Variants in PPM1L observed in about 807,000 individuals in gnomAD.
PPM1L encodes the protein protein phosphatase, Mg2+/Mn2+ dependent 1L.
Under a neutral mutation model 31.4 loss-of-function variants are expected in PPM1L, and 13 were observed. The ratio of observed to expected loss-of-function variants is 0.41; its 90% CI spans 0.27 to 0.66. The LOEUF (loss-of-function observed/expected upper bound fraction) is 0.66, where lower values mean the gene tolerates loss of function less well. Among genes scored for constraint, PPM1L ranks in the 30% least tolerant of loss-of-function variants. PPM1L has a pLI of 0.29. For synonymous variants in PPM1L, 184 were observed against 175.4 expected, an observed-to-expected ratio of 1.05 and a Z score of -0.39; for missense variants, 326 against 453.7, an observed-to-expected ratio of 0.72 and a Z score of 2.56.
At chr3:161,011,981 C>T (rs903625943) in intron 2 of PPM1L, among the ~76,000 whole-genome samples, 18 of 152,170 alleles carry the variant, frequency 1.2e-4, no homozygotes, top group Non-Finnish European at 2.5e-4. Flanking sequence ...AATTTGACTT[C>T]CTCTTTTCCT....
rs182275499 is a variant in PPM1L, at chr3:160,872,707, A to G, written c.400-89029A>G. Reference sequence around the variant, plus strand: ...TTTGGGAGGCTGAGGCGGGTGGATCATGAGGTCAGGAGTTCAAGACCAGCC... The same window carrying G: ...TTTGGGAGGCTGAGGCGGGTGGATCGTGAGGTCAGGAGTTCAAGACCAGCC... On this transcript the variant is annotated intron_variant, in intron 1 of 3. Transcript: ENST00000498165. 9.7e-4 allele frequency among the ~76,000 whole-genome samples: 148 copies of G among 152,148 alleles called. 2 individuals are homozygous for G. The South Asian group carries it at 0.017, about 17-fold the overall frequency.
intron 1 of PPM1L, among the ~76,000 whole-genome samples, chr3:160,761,932 T>C (rs1315630746): frequency 6.6e-6 from 1 of 152,170 alleles, no homozygotes; most frequent in African/African-American, 2.4e-5. Context: ...CCTGCCCCAA[T>C]GTTTCAAATT....
At chr3:161,053,129 A>C (rs1719323202) in intron 2 of PPM1L, among the ~76,000 whole-genome samples, 1 of 152,276 alleles carries the variant, frequency 6.6e-6, no homozygotes, top group African/African-American at 2.4e-5. Context: ...TGTAGGAAGA[A>C]TCAAAGCAAC....
intron 2 of PPM1L, among the ~76,000 whole-genome samples, chr3:160,973,765 T>G (rs998671060): frequency 7.7e-5 from 2 of 26,108 alleles, no homozygotes; most frequent in Admixed American, 1.2e-3. Context: ...AAAGGCCCTG[T>G]TTTTTTTTTT....
chr3:160,955,014 T>C (rs553479070), intron 1 of PPM1L, among the ~76,000 whole-genome samples: 3 of 148,042 alleles, frequency 2.0e-5, no homozygotes, highest in South Asian at 2.2e-4. Context: ...TCTTTCTTTC[T>C]CTCTTTCTTC....
At position 160,756,661 on chromosome 3, in the gene PPM1L, A is replaced by G; in HGVS notation, c.353A>G (p.Lys118Arg). 6.2e-7 allele frequency: 1 copy of G among 1,614,064 alleles called. No homozygotes were observed. Among genetic ancestry groups the G allele is most frequent in the African/African-American group, 1.3e-5 (1 of 75,022 alleles). ...GAAGTTCTCACGGATCTGGCCAACA[A>G]GACGCACCCGTCCATCTTCGGGATC... ...RFEVLTDLAN[K>R]THPSIFGIFD... The change falls in exon 1 of 4, where the codon AAG becomes AGG. Residue 118 changes from lysine to arginine, a missense_variant. Coordinates refer to ENST00000498165, the MANE Select transcript of PPM1L (RefSeq NM_139245.4). The surrounding 1 kb of genome is among the most constrained non-coding windows in gnomAD (Gnocchi z 6.2).
At chr3:160,829,969 CTCAGCCA>C (rs1396894274) in intron 1 of PPM1L, among the ~76,000 whole-genome samples, 2 of 152,168 alleles carry the variant, frequency 1.3e-5, no homozygotes, top group Non-Finnish European at 2.9e-5. Context: ...GCAGCTGCGT[CTCAGCCA>C]TGGGAAACAA....
chr3:160,916,975 TG>T (rs1344705852), intron 1 of PPM1L, among the ~76,000 whole-genome samples: 10 of 152,232 alleles, frequency 6.6e-5, no homozygotes, highest in Non-Finnish European at 1.5e-5. Context: ...AGCTATTTTT[TG>T]TGCTATTTTA....
chr3:160,967,913 G>A (rs1048014325), intron 2 of PPM1L, among the ~76,000 whole-genome samples: 2 of 151,988 alleles, frequency 1.3e-5, no homozygotes, highest in Non-Finnish European at 2.9e-5. Context: ...CTAAAACTAT[G>A]CTTTGGGTCT....
At chr3:160,947,551 G>A (rs1715448371) in intron 1 of PPM1L, among the ~76,000 whole-genome samples, 1 of 151,948 alleles carries the variant, frequency 6.6e-6, no homozygotes, top group African/African-American at 2.4e-5. Flanking sequence ...AGGCTATTTA[G>A]GTTCTTTGTT....
chr3:160,812,553 G>A (rs1165805288), intron 1 of PPM1L, among the ~76,000 whole-genome samples: 4 of 152,134 alleles, frequency 2.6e-5, no homozygotes, highest in African/African-American at 7.2e-5. Flanking sequence ...TCCTAGAAAG[G>A]TCTCTGGCTG....
intron 1 of PPM1L, among the ~76,000 whole-genome samples, chr3:160,941,510 A>G (rs1295869982): frequency 6.6e-6 from 1 of 152,156 alleles, no homozygotes; most frequent in African/African-American, 2.4e-5. Context: ...GATAGTGAAT[A>G]AGTCTCACGA....
chr3:160,991,552 T>C (rs942471027), intron 2 of PPM1L, among the ~76,000 whole-genome samples: 3 of 152,230 alleles, frequency 2.0e-5, no homozygotes, highest in African/African-American at 7.2e-5. Flanking sequence ...CAGGCAATTA[T>C]GTAACTACTT....
At chr3:160,946,592 T>G (rs559287427) in intron 1 of PPM1L, among the ~76,000 whole-genome samples, 49 of 152,272 alleles carry the variant, frequency 3.2e-4, no homozygotes, top group African/African-American at 1.2e-3. Context: ...ACTAGGCCAC[T>G]CTATACATTT....
chr3:160,822,282 A>G (rs1713223137), intron 1 of PPM1L, among the ~76,000 whole-genome samples: 1 of 152,046 alleles, frequency 6.6e-6, no homozygotes, highest in Non-Finnish European at 1.5e-5. Context: ...TAAAAAGACA[A>G]TATGAGATCA....
chr3:160,901,412 G>A (rs537237508), intron 1 of PPM1L, among the ~76,000 whole-genome samples: 72 of 151,966 alleles, frequency 4.7e-4, no homozygotes, highest in Non-Finnish European at 3.5e-4. Context: ...TTCTTCAAAG[G>A]TTCATGTTTT....
intron 1 of PPM1L, among the ~76,000 whole-genome samples, chr3:160,894,573 G>C (rs916696216): frequency 6.6e-6 from 1 of 152,128 alleles, no homozygotes; most frequent in African/African-American, 2.4e-5. Flanking sequence ...TTTTTCAGAG[G>C]CCTGGAAAGG....
chr3:161,010,573 G>A (rs1011652308), intron 2 of PPM1L, among the ~76,000 whole-genome samples: 2 of 152,138 alleles, frequency 1.3e-5, no homozygotes, highest in African/African-American at 2.4e-5. Context: ...GGTATTTCTA[G>A]TTCTAGATCC....
chr3:160,873,166 A>G lies in PPM1L; in HGVS notation c.400-88570A>G, dbSNP rs542761744. The stretch of plus-strand genomic sequence containing the variant: ...ACTGTTACAGGGTAGCTAACTTCCT[A>G]TTCTCAGTAAAGCTAAGGCAAAGAG... On this transcript the variant is annotated intron_variant, in intron 1 of 3. Transcript: ENST00000498165. Among the ~76,000 whole-genome samples, 211 of 152,272 alleles carry G rather than the reference A, an allele frequency of 1.4e-3. 1 individual carries two copies. The highest frequency in any genetic ancestry group is 4.8e-3 in the African/African-American group (200 of 41,550).
Sources: gnomAD v4.1 joint callset for allele counts (sites outside exome capture counted in the v4.1 genomes callset) on GRCh38, gnomAD v4.1.1 for gene constraint, Gnocchi (gnomAD v3.1) non-coding constraint, MANE v1.5 for transcripts, NCBI Gene and HGNC (gene_info 2026-07-23, HGNC 2026-07-21) for gene names.